Variants in MCCC1 observed in about 807,000 individuals in gnomAD.
MCCC1 encodes methylcrotonoyl-CoA carboxylase subunit alpha, mitochondrial.
Under a neutral mutation model 83.8 loss-of-function variants are expected in MCCC1, and 64 were observed. That is an observed-to-expected ratio of 0.76 (90% confidence interval 0.62 to 0.94). The LOEUF is 0.94. Among genes scored for constraint, MCCC1 ranks in the 40% least tolerant of loss-of-function variants. The pLI is 0.00. For synonymous variants in MCCC1, 322 were observed against 315.4 expected (o/e 1.02, Z -0.22); for missense variants, 807 against 904.7 (o/e 0.89, Z 1.39).
At chr3:183,018,017 C>T (rs371534677) in intron 17 of MCCC1, among the ~76,000 whole-genome samples, 4 of 146,808 alleles carry the variant, frequency 2.7e-5, no homozygotes, top group East Asian at 4.2e-4. Context: ...AGGTCAAATG[C>T]ACTGGTCAAA....
chr3:183,103,521 C>T (rs1025772480), upstream of MCCC1, among the ~76,000 whole-genome samples: 8 of 152,172 alleles, frequency 5.3e-5, no homozygotes, highest in African/African-American at 1.9e-4. Flanking sequence ...AAGCCCCCAC[C>T]AGAGCAGCTA....
At chr3:183,090,856 G>A (rs1466514858) in intron 3 of MCCC1, 1 of 374,566 alleles carries the variant, frequency 2.7e-6, no homozygotes, top group African/African-American at 2.1e-5. Context: ...CCAAAGTGCT[G>A]GAATTACAGG....
rs1427087449 is a variant in MCCC1 at position 183,015,367 on chromosome 3, A to G, written c.*71T>C. 6.4e-7 allele frequency: 1 copy of G among 1,559,622 alleles called. No individual in the cohort carries two copies. Among genetic ancestry groups the G allele is most frequent in the Admixed American group, 1.7e-5 (1 of 59,952 alleles). On this transcript the variant is annotated 3_prime_UTR_variant, in exon 19 of 19. Transcript: ENST00000265594. ...ACTGCTCTTTATGAGACCCCCAGAA[A>G]AGCTGGAGGCACTTCCTCTTTTTGG... is the stretch of plus-strand genomic sequence containing the variant.
intron 14 of MCCC1, among the ~76,000 whole-genome samples, chr3:183,026,867 T>C (rs550641675): frequency 1.3e-5 from 2 of 152,286 alleles, no homozygotes; most frequent in South Asian, 4.1e-4. Flanking sequence ...ATTAAACAAA[T>C]ATGAAAATGC....
intron 1 of MCCC1, among the ~76,000 whole-genome samples, chr3:183,110,062 G>A (rs1450441899): frequency 6.6e-6 from 1 of 152,172 alleles, no homozygotes. Context: ...CTTTTGAGAA[G>A]TGTCTGTTCA....
At chr3:183,075,638 T>G (rs933070368) in intron 4 of MCCC1, among the ~76,000 whole-genome samples, 4 of 151,338 alleles carry the variant, frequency 2.6e-5, no homozygotes, top group African/African-American at 9.7e-5. Context: ...CTTCCCAGGT[T>G]CACGCCATTC....
chr3:183,020,125 A>AT lies in MCCC1; in HGVS notation c.1977+4dup, dbSNP rs1488259395. Reference sequence around the variant, plus strand: ...AACATCATTCTACAGATGTCATGTGATTACCTTTTCAATGGTTCCAGTCAT... The same window carrying AT: ...AACATCATTCTACAGATGTCATGTGATTTACCTTTTCAATGGTTCCAGTCAT... On this transcript the variant is annotated splice_donor_region_variant and intron_variant, in intron 17 of 18. Transcript: ENST00000265594. 2.5e-6 allele frequency: 4 copies of AT among 1,604,864 alleles called. No homozygotes were observed. In the Admixed American group the frequency reaches 6.7e-5, roughly 27 times the overall value.
chr3:183,084,934 A>C (rs1577349573), intron 4 of MCCC1, among the ~76,000 whole-genome samples: 1 of 152,110 alleles, frequency 6.6e-6, no homozygotes, highest in Non-Finnish European at 1.5e-5. Context: ...GTACAAGCTC[A>C]CTGGGTTGCT....
rs758342813 is a variant in MCCC1, at chr3:183,017,324, G to A, written c.1991C>T (p.Ala664Val). 6.2e-7 allele frequency: 1 copy of A among 1,613,756 alleles called. No individual in the cohort carries two copies. The highest frequency in any genetic ancestry group is 1.7e-5 in the Admixed American group (1 of 60,002). ...TGTIEKVFVKAGDKVKAGDSL... is the reference protein window; with the variant it reads ...TGTIEKVFVKVGDKVKAGDSL... The stretch of plus-strand genomic sequence containing the variant: ...ATCTCCCGCTTTCACTTTGTCTCCA[G>A]CTTTGACAAACACCTTGAGATTCAG... Residue 664 changes from alanine to valine, a missense_variant, in exon 18 of 19, where the codon GCT becomes GTT. Physicochemically the swap from Ala to Val is moderately conservative, Grantham distance 64. Transcript: ENST00000265594.
At chr3:183,023,176 C>T (rs1712299676) in intron 15 of MCCC1, among the ~76,000 whole-genome samples, 2 of 152,174 alleles carry the variant, frequency 1.3e-5, no homozygotes, top group African/African-American at 4.8e-5. Context: ...GGACATGGAA[C>T]CTGTTTTAAA....
chr3:183,040,693 AGC>A (rs1217792723), intron 11 of MCCC1, among the ~76,000 whole-genome samples: 1 of 152,200 alleles, frequency 6.6e-6, no homozygotes, highest in Non-Finnish European at 1.5e-5. Flanking sequence ...ACTGTACTCC[AGC>A]CTGGGCACAG....
At chr3:183,025,700 T>C in intron 15 of MCCC1, 55 bp downstream of exon 15, 1 of 1,440,896 alleles carries the variant, frequency 6.9e-7, no homozygotes, top group Non-Finnish European at 9.8e-7. Flanking sequence ...CCCTATTCAG[T>C]ATAAAAGCGG....
chr3:183,102,767 T>TTTTG (rs1719336608), upstream of MCCC1, among the ~76,000 whole-genome samples: 1 of 69,904 alleles, frequency 1.4e-5, no homozygotes, highest in African/African-American at 1.1e-4. Flanking sequence ...AGTTTTTTTT[T>TTTTG]TTTTTTTTTT....
In MCCC1 at chr3:183,113,307, C is replaced by G. The variant is rs934911426; in HGVS notation, c.-102+2167G>C. 4.7e-5 allele frequency among the ~76,000 whole-genome samples: 7 copies of G among 149,246 alleles called. No homozygotes were observed. The Admixed American group carries it at 4.8e-4, about 10-fold the overall frequency. Reference sequence around the variant, plus strand: ...TAGAAAGCTGAAGTAGAACAGCAAACTATCGCAAGGACAGAAAACCAAACA... The same window carrying G: ...TAGAAAGCTGAAGTAGAACAGCAAAGTATCGCAAGGACAGAAAACCAAACA... On this transcript the variant is annotated intron_variant, in intron 1 of 17. Transcript: ENST00000492597.
intron 7 of MCCC1, among the ~76,000 whole-genome samples, chr3:183,066,487 T>G (rs1203258717): frequency 2.6e-5 from 4 of 152,120 alleles, no homozygotes; most frequent in Non-Finnish European, 4.4e-5. Flanking sequence ...GTATTTTTAT[T>G]ACAGACAGGG....
At chr3:183,083,356 C>A (rs187123484) in intron 4 of MCCC1, among the ~76,000 whole-genome samples, 1 of 152,310 alleles carries the variant, frequency 6.6e-6, no homozygotes, top group Admixed American at 6.5e-5. Context: ...AACAGCTTTA[C>A]TTAGGCTAAA....
intron 1 of MCCC1, among the ~76,000 whole-genome samples, chr3:183,114,981 C>G (rs1719565956): frequency 6.6e-6 from 1 of 152,150 alleles, no homozygotes; most frequent in African/African-American, 2.4e-5. Context: ...AGTCTCCCGG[C>G]TCGTGGTGCT....
chr3:183,048,817 A>C (rs1307374422), intron 9 of MCCC1, among the ~76,000 whole-genome samples: 1 of 152,206 alleles, frequency 6.6e-6, no homozygotes, highest in Non-Finnish European at 1.5e-5. Flanking sequence ...GCTAGAAAGG[A>C]ATATTCACCA....
intron 4 of MCCC1, among the ~76,000 whole-genome samples, chr3:183,082,420 A>AT (rs779584183): frequency 1.2e-4 from 18 of 152,328 alleles, no homozygotes; most frequent in Non-Finnish European, 2.5e-4. Context: ...TATAATACAC[A>AT]TATAGAAAAG....
Sources: allele counts gnomAD v4.1 joint callset (sites outside exome capture counted in the v4.1 genomes callset), GRCh38; gene constraint gnomAD v4.1.1; transcripts MANE v1.5; gene names NCBI Gene and HGNC (gene_info 2026-07-23, HGNC 2026-07-21).